MYO5B: variants seen among roughly 807,000 people sequenced by gnomAD.
MYO5B encodes the protein unconventional myosin-Vb.
Under a neutral mutation model 229.3 loss-of-function variants are expected in MYO5B, and 143 were observed. The ratio of observed to expected loss-of-function variants is 0.62; its 90% CI spans 0.54 to 0.72. The LOEUF is 0.72. MYO5B is among the 30% of genes least tolerant of loss of function. The pLI is 0.00. For missense variants in MYO5B, 2,321 were observed against 2,331.0 expected, an observed-to-expected ratio of 1.00 and a Z score of 0.09; for synonymous variants, 918 against 885.2, an observed-to-expected ratio of 1.04 and a Z score of -0.66.
chr18:49,935,397 C>G (rs991018175), intron 16 of MYO5B, among the ~76,000 whole-genome samples: 1 of 151,972 alleles, frequency 6.6e-6, no homozygotes, highest in Non-Finnish European at 1.5e-5. Flanking sequence ...AGCACATACC[C>G]ATCATCACAG....
chr18:49,994,744 C>T (rs916992634), intron 5 of MYO5B, among the ~76,000 whole-genome samples: 1 of 152,218 alleles, frequency 6.6e-6, no homozygotes, highest in Admixed American at 6.5e-5. Context: ...CTCAGTGTAA[C>T]CACTTTCCTT....
chr18:50,182,890 G>T (rs1384870750), intron 1 of MYO5B, among the ~76,000 whole-genome samples: 1 of 152,128 alleles, frequency 6.6e-6, no homozygotes, highest in East Asian at 1.9e-4. Context: ...GATATTTGTT[G>T]AGTTCCTACA....
intron 14 of MYO5B, among the ~76,000 whole-genome samples, chr18:49,952,123 C>G (rs898504310): frequency 6.6e-6 from 1 of 152,226 alleles, no homozygotes; most frequent in Non-Finnish European, 1.5e-5. Flanking sequence ...CCTCCCTAAA[C>G]CCCTCACCAC....
chr18:49,930,457 A>G (rs1268602413), intron 16 of MYO5B, among the ~76,000 whole-genome samples: 2 of 152,250 alleles, frequency 1.3e-5, no homozygotes, highest in Admixed American at 6.5e-5. Flanking sequence ...TGTAGAATAA[A>G]AAGCCAGATG....
intron 13 of MYO5B, 34 bp downstream of exon 13, chr18:49,954,279 A>T: frequency 6.2e-7 from 1 of 1,613,102 alleles, no homozygotes; most frequent in Non-Finnish European, 8.5e-7. Context: ...AGAGGGGCCA[A>T]GGGAATACCC....
chr18:50,181,587 G>C (rs543692870), intron 1 of MYO5B, among the ~76,000 whole-genome samples: 2 of 152,344 alleles, frequency 1.3e-5, no homozygotes, highest in East Asian at 3.9e-4. Flanking sequence ...CACACCATCA[G>C]GTTTGAAGCC....
At chr18:50,106,805 G>C (rs540411072) in intron 1 of MYO5B, among the ~76,000 whole-genome samples, 1 of 152,184 alleles carries the variant, frequency 6.6e-6, no homozygotes, top group South Asian at 2.1e-4. Flanking sequence ...CTGCTGTATC[G>C]TCAGTGTCTA....
intron 6 of MYO5B, among the ~76,000 whole-genome samples, chr18:49,991,087 A>G (rs778504819): frequency 1.3e-5 from 2 of 152,110 alleles, no homozygotes; most frequent in Non-Finnish European, 2.9e-5. Context: ...AGGAAGAGGG[A>G]AGCTCCAGGG....
At chr18:49,958,826 C>G (rs889050308) in intron 12 of MYO5B, among the ~76,000 whole-genome samples, 6 of 152,194 alleles carry the variant, frequency 3.9e-5, no homozygotes, top group African/African-American at 1.4e-4. Context: ...AGCCCTGGTT[C>G]TCTCCTGCCT....
chr18:50,173,716 A>C (rs2032952934), intron 1 of MYO5B, among the ~76,000 whole-genome samples: 1 of 152,194 alleles, frequency 6.6e-6, no homozygotes. Context: ...CTGCTGGATC[A>C]TGCCTCTTAC....
At chr18:49,901,615 A>C (rs551764934) in intron 21 of MYO5B, among the ~76,000 whole-genome samples, 2 of 152,376 alleles carry the variant, frequency 1.3e-5, no homozygotes, top group African/African-American at 4.8e-5. Flanking sequence ...TTTATGGATA[A>C]GAAAAGAGGT....
chr18:49,957,672 C>CAAAAG (rs1408083643), intron 12 of MYO5B, among the ~76,000 whole-genome samples: 1 of 106,294 alleles, frequency 9.4e-6, no homozygotes, highest in African/African-American at 3.9e-5. Context: ...CAAAACAAAA[C>CAAAAG]AAAAAAAGCC....
chr18:49,877,148 T>C (rs928541063), intron 25 of MYO5B, among the ~76,000 whole-genome samples: 4 of 152,200 alleles, frequency 2.6e-5, no homozygotes, highest in Non-Finnish European at 2.9e-5. Flanking sequence ...CACGCGCGCA[T>C]GTGCCTGTGA....
At chr18:50,153,554 G>A (rs961530419) in intron 1 of MYO5B, among the ~76,000 whole-genome samples, 22 of 152,116 alleles carry the variant, frequency 1.4e-4, no homozygotes, top group Admixed American at 1.2e-3. Flanking sequence ...GGGTTCAAGC[G>A]ATTCTCCTGC....
chr18:50,165,165 C>A (rs1456935721), intron 1 of MYO5B, among the ~76,000 whole-genome samples: 7 of 152,190 alleles, frequency 4.6e-5, no homozygotes, highest in Non-Finnish European at 7.3e-5. Context: ...ACCAGAATGC[C>A]ACTGATTAAC....
At chr18:50,067,219 T>C (rs968946809) in intron 1 of MYO5B, among the ~76,000 whole-genome samples, 2 of 152,016 alleles carry the variant, frequency 1.3e-5, no homozygotes, top group South Asian at 2.1e-4. Context: ...ATCTAAAACT[T>C]TGCACAAAAA....
chr18:50,147,918 G>A (rs1449739931), intron 1 of MYO5B, among the ~76,000 whole-genome samples: 1 of 152,116 alleles, frequency 6.6e-6, no homozygotes, highest in East Asian at 1.9e-4. Context: ...TGGGGCAGTG[G>A]AAATTGATAG....
At position 49,937,283 on chromosome 18, in the gene MYO5B, C is replaced by T. The variant is rs777432556; in HGVS notation, c.1867G>A (p.Val623Ile). 2 of 1,614,130 alleles carry T rather than the reference C, an allele frequency of 1.2e-6. No homozygotes were observed. Among genetic ancestry groups the T allele is most frequent in the Non-Finnish European group, 8.5e-7 (1 of 1,180,010 alleles). The change falls in exon 15 of 40, where the codon GTC becomes ATC. Residue 623 changes from valine (V) to isoleucine (I), a missense_variant. Physicochemically the swap from Val to Ile is conservative, Grantham distance 29. Around this residue, in one of 2 missense-constraint regions of MYO5B, gnomAD observed 2,113 missense variants for 2,044.7 expected, o/e 1.03. Transcript: ENST00000285039. ...SVRSARPPMK[V>I]SNKEHKKTVG... ...GTTTTCTTGTGCTCCTTGTTGGAGA[C>T]TTTCATGGGGGGTCTGGCAGAACGG...
chr18:49,917,871 C>T (rs963852103), intron 17 of MYO5B, among the ~76,000 whole-genome samples: 6 of 152,262 alleles, frequency 3.9e-5, no homozygotes, highest in South Asian at 2.1e-4. Context: ...GGGGAGCAGG[C>T]GCCCTGACAG....
Sources: gnomAD v4.1 joint callset for allele counts (sites outside exome capture counted in the v4.1 genomes callset) on GRCh38, gnomAD v4.1.1 for gene constraint, gnomAD v4.1.1 regional missense constraint, MANE v1.5 for transcripts, NCBI Gene and HGNC (gene_info 2026-07-23, HGNC 2026-07-21) for gene names.